The following CNTN6 variants were observed in gnomAD, a reference collection of about 807,000 sequenced individuals.
CNTN6 encodes contactin 6, also known as contactin-6.
CNTN6 carries 137 observed loss-of-function variants against 122.8 expected under a neutral mutation model. The observed-to-expected ratio is 1.12, with a 90% CI of 0.97 to 1.29. The LOEUF (loss-of-function observed/expected upper bound fraction) is 1.29. Ranked by LOEUF, CNTN6 falls within the 50% of genes most tolerant of loss-of-function variation. The pLI is 0.00. For missense variants in CNTN6, 1,634 were observed against 1,223.4 expected, an observed-to-expected ratio of 1.34 and a Z score of -5.01; for synonymous variants, 570 against 426.0, an observed-to-expected ratio of 1.34 and a Z score of -4.16.
chr3:1,212,517 A>ATG (rs555661502), intron 2 of CNTN6, among the ~76,000 whole-genome samples: 1 of 151,158 alleles, frequency 6.6e-6, no homozygotes, highest in Admixed American at 6.6e-5. Context: ...ATATATACAT[A>ATG]TGTGTGTGTA....
In CNTN6 at chr3:1,255,426, AAAGAAAG is replaced by A. The variant is rs200571353; in HGVS notation, c.359-22984_359-22978del. Among the ~76,000 whole-genome samples the A allele has an allele frequency of 2.3e-4, 28 of 122,178 alleles. No homozygotes were observed. The East Asian group carries it at 2.5e-3, about 11-fold the overall frequency. 80.2% of individuals were successfully genotyped at this position (122,178 alleles called of 152,430 possible). Reference sequence around the variant, plus strand: ...AAGACATTTGAAAATGGAAAAAAAAAAAGAAAGAAAGAAAGAAAGAAAGGAATTGTGG... The same window carrying A: ...AAGACATTTGAAAATGGAAAAAAAAAAAAGAAAGAAAGAAAGGAATTGTGG... On this transcript the variant is annotated intron_variant, in intron 4 of 22. Coordinates refer to ENST00000446702, the MANE Select transcript of CNTN6 (RefSeq NM_001289080.2).
Position 1,321,791 on chromosome 3 carries a change from C to T in CNTN6, c.903C>T (p.Asn301=), listed in dbSNP as rs1330655275. 9.9e-6 allele frequency: 16 copies of T among 1,609,988 alleles called. No homozygotes were observed. The highest frequency in any genetic ancestry group is 1.3e-5 in the Non-Finnish European group (15 of 1,177,916). Residue 301 remains asparagine, a synonymous_variant, in exon 8 of 23, where the codon AAC becomes AAT. Coordinates refer to ENST00000446702, the MANE Select transcript of CNTN6 (RefSeq NM_001289080.2). ...DEGFYECIAS[N]LRGRNLAKGQ... is the part of the protein sequence containing the mutation. ...GCTTTTATGAGTGCATTGCAAGCAA[C>T]CTTCGAGGAAGAAACCTTGCAAAGG...
chr3:1,151,202 G>A (rs561359216), intron 2 of CNTN6, among the ~76,000 whole-genome samples: 35 of 152,264 alleles, frequency 2.3e-4, no homozygotes, highest in African/African-American at 8.4e-4. Context: ...TATGCTTTAA[G>A]CTTCCAGATG....
At chr3:1,335,244 C>G (rs1273210697) in intron 11 of CNTN6, among the ~76,000 whole-genome samples, 1 of 152,146 alleles carries the variant, frequency 6.6e-6, no homozygotes, top group Non-Finnish European at 1.5e-5. Flanking sequence ...GAGCTGTACA[C>G]ACACTGCTAC....
chr3:1,159,837 T>C (rs978187236), intron 2 of CNTN6, among the ~76,000 whole-genome samples: 1 of 151,774 alleles, frequency 6.6e-6, no homozygotes, highest in African/African-American at 2.4e-5. Context: ...TTTCCCCCCC[T>C]CAAGACAAAG....
intron 11 of CNTN6, among the ~76,000 whole-genome samples, chr3:1,347,736 T>C (rs1704955686): frequency 6.6e-6 from 1 of 152,114 alleles, no homozygotes; most frequent in Non-Finnish European, 1.5e-5. Flanking sequence ...TAATTAACTT[T>C]TACAGCAATC....
intron 4 of CNTN6, among the ~76,000 whole-genome samples, chr3:1,268,690 T>C (rs193112382): frequency 6.6e-6 from 1 of 152,246 alleles, no homozygotes; most frequent in Admixed American, 6.5e-5. Context: ...CTCCTTTTTG[T>C]TTTTTTCCAT....
At chr3:1,255,680 T>A (rs73109279) in intron 4 of CNTN6, among the ~76,000 whole-genome samples, 7,998 of 152,020 alleles carry the variant, frequency 0.053, 699 homozygotes, top group African/African-American at 0.18. Flanking sequence ...AAATTATTTT[T>A]ATTATTTCTT....
At chr3:1,209,858 C>T (rs574835531) in intron 2 of CNTN6, among the ~76,000 whole-genome samples, 1 of 152,302 alleles carries the variant, frequency 6.6e-6, no homozygotes, top group Non-Finnish European at 1.5e-5. Context: ...TCTGAGCAAT[C>T]TTTAATGTTT....
At chr3:1,148,337 T>C (rs2092766861) in intron 2 of CNTN6, among the ~76,000 whole-genome samples, 1 of 151,808 alleles carries the variant, frequency 6.6e-6, no homozygotes, top group Non-Finnish European at 1.5e-5. Flanking sequence ...TATTTAATTA[T>C]ATAATATACT....
At chr3:1,397,960 T>C (rs954850593) in intron 20 of CNTN6, among the ~76,000 whole-genome samples, 1 of 152,038 alleles carries the variant, frequency 6.6e-6, no homozygotes, top group African/African-American at 2.4e-5. Flanking sequence ...TACAGAAAAA[T>C]TGATTACAGG....
At chr3:1,373,011 A>G in intron 14 of CNTN6, 56 bp downstream of exon 14, 1 of 997,936 alleles carries the variant, frequency 1.0e-6, no homozygotes, top group Non-Finnish European at 1.5e-6. Context: ...TACAGTGTTC[A>G]TATCTAAATT....
chr3:1,156,303 C>T (rs898328816), intron 2 of CNTN6, among the ~76,000 whole-genome samples: 2 of 152,170 alleles, frequency 1.3e-5, no homozygotes, highest in Non-Finnish European at 2.9e-5. Flanking sequence ...CCATTTTCTC[C>T]TGAAACCTTG....
chr3:1,240,711 A>AAAAAAAAAG (rs1197700795), intron 4 of CNTN6, among the ~76,000 whole-genome samples: 2 of 151,874 alleles, frequency 1.3e-5, no homozygotes, highest in Non-Finnish European at 2.9e-5. Context: ...TATACTAAAA[A>AAAAAAAAAG]AAAAAAAAGA....
intron 11 of CNTN6, among the ~76,000 whole-genome samples, chr3:1,344,716 T>C (rs1402941459): frequency 5.9e-5 from 9 of 152,142 alleles, no homozygotes; most frequent in Non-Finnish European, 1.5e-5. Context: ...AAAATAAATA[T>C]TTGTGTTCTT....
intron 20 of CNTN6, among the ~76,000 whole-genome samples, chr3:1,387,539 C>T (rs1164994736): frequency 1.3e-5 from 2 of 152,186 alleles, no homozygotes; most frequent in Non-Finnish European, 2.9e-5. Flanking sequence ...AGATGCCAAA[C>T]TCACAGAAAC....
intron 20 of CNTN6, among the ~76,000 whole-genome samples, chr3:1,388,144 G>T (rs1001388697): frequency 6.6e-6 from 1 of 151,928 alleles, no homozygotes; most frequent in Non-Finnish European, 1.5e-5. Flanking sequence ...AGTAACGTCT[G>T]CAGAGTTAAA....
intron 7 of CNTN6, among the ~76,000 whole-genome samples, chr3:1,314,441 G>C (rs540022696): frequency 6.6e-6 from 1 of 152,012 alleles, no homozygotes; most frequent in Non-Finnish European, 1.5e-5. Flanking sequence ...AACTTAGTAT[G>C]GCTTGGATTT....
At chr3:1,260,147 GACA>G (rs1384901828) in intron 4 of CNTN6, among the ~76,000 whole-genome samples, 3 of 152,128 alleles carry the variant, frequency 2.0e-5, no homozygotes, top group African/African-American at 7.2e-5. Context: ...CTGATAGAAA[GACA>G]ACCTCTTGAA....
Sources: allele counts gnomAD v4.1 joint callset (sites outside exome capture counted in the v4.1 genomes callset), GRCh38; gene constraint gnomAD v4.1.1; transcripts MANE v1.5; gene names NCBI Gene and HGNC (gene_info 2026-07-23, HGNC 2026-07-21).